NREP: variants seen among roughly 807,000 people sequenced by gnomAD.
NREP encodes neuronal regeneration-related protein.
In NREP, 5 loss-of-function variants were observed where a neutral mutation model predicts 8.6. The ratio of observed to expected loss-of-function variants is 0.58; its 90% CI spans 0.30 to 1.22. NREP has a LOEUF of 1.22. Among genes scored for constraint, NREP ranks in the 50% most tolerant of loss-of-function variants. The pLI is 0.07. For synonymous variants in NREP, 27 were observed against 28.0 expected, an observed-to-expected ratio of 0.96 and a Z score of 0.11; for missense variants, 86 against 82.5, an observed-to-expected ratio of 1.04 and a Z score of -0.17.
chr5:111,898,028 A>G (rs1295100946), intron 2 of NREP, among the ~76,000 whole-genome samples: 5 of 152,112 alleles, frequency 3.3e-5, no homozygotes, highest in Non-Finnish European at 5.9e-5. Flanking sequence ...ACCTTGGGAG[A>G]GAATGATAGG....
intron 2 of NREP, among the ~76,000 whole-genome samples, chr5:111,941,743 A>G (rs1755835535): frequency 6.6e-6 from 1 of 152,068 alleles, no homozygotes; most frequent in Non-Finnish European, 1.5e-5. Flanking sequence ...AAAAGCTTCA[A>G]TGTTTCTGGA....
rs116332785 is a variant in NREP at position 111,807,544 on chromosome 5, C to T, written c.136-72037G>A. Reference sequence around the variant, plus strand: ...AAGAAAATTTCTACTTTTAAGATAGCGGGTTTTAAAGACAATTTTTAGAAT... The same window carrying T: ...AAGAAAATTTCTACTTTTAAGATAGTGGGTTTTAAAGACAATTTTTAGAAT... On this transcript the variant is annotated intron_variant, in intron 2 of 3. Transcript: ENST00000395634. Among the ~76,000 whole-genome samples, 1,085 of 151,762 alleles carry T rather than the reference C, an allele frequency of 7.1e-3. 5 individuals are homozygous for T. The highest frequency in any genetic ancestry group is 0.012 in the Non-Finnish European group (840 of 67,950).
chr5:111,939,752 C>T (rs1484442528), intron 2 of NREP, among the ~76,000 whole-genome samples: 1 of 151,982 alleles, frequency 6.6e-6, no homozygotes, highest in Non-Finnish European at 1.5e-5. Context: ...AAGTGTAATA[C>T]AGAAACTCTA....
intron 2 of NREP, among the ~76,000 whole-genome samples, chr5:111,862,234 G>A (rs1478706918): frequency 6.6e-6 from 1 of 152,136 alleles, no homozygotes; most frequent in Non-Finnish European, 1.5e-5. Context: ...ATTTATCCAT[G>A]CACAAATCAT....
chr5:111,777,568 G>A (rs1477863307), intron 2 of NREP, among the ~76,000 whole-genome samples: 2 of 152,020 alleles, frequency 1.3e-5, no homozygotes, highest in Non-Finnish European at 2.9e-5. Context: ...GAGTAAATAC[G>A]ACAATGCTTC....
At chr5:111,737,716 A>T (rs1749256027) in intron 2 of NREP, among the ~76,000 whole-genome samples, 1 of 88,686 alleles carries the variant, frequency 1.1e-5, no homozygotes, top group Non-Finnish European at 2.0e-5. Context: ...TCCATTTGCT[A>T]AAAAAAAAAA....
rs1752414674 is a variant in NREP, at chr5:111,817,667, T to C, written c.136-82160A>G. Among the ~76,000 whole-genome samples the C allele has an allele frequency of 3.3e-5, 5 of 151,250 alleles. No individual in the cohort carries two copies. The South Asian group carries it at 1.0e-3, about 32-fold the overall frequency. On this transcript the variant is annotated intron_variant, in intron 2 of 3. Coordinates refer to the NREP transcript ENST00000395634. ...AAAAATACAAAAAATTAGCCGGGCG[T>C]AGTGGCGGGCGCCTGTAGTCCCAGC...
intron 2 of NREP, among the ~76,000 whole-genome samples, chr5:111,894,256 T>G (rs1404752147): frequency 6.6e-6 from 1 of 151,980 alleles, no homozygotes. Flanking sequence ...TAATAAATTT[T>G]TCCAACAAAA....
intron 2 of NREP, chr5:111,846,419 G>GTTTTTTTTT (rs1753168991): frequency 2.6e-5 from 1 of 37,744 alleles, no homozygotes; most frequent in Non-Finnish European, 5.4e-5. Flanking sequence ...CTTTTTGTTT[G>GTTTTTTTTT]CTTTTTTTTT....
intron 2 of NREP, among the ~76,000 whole-genome samples, chr5:111,840,696 T>C (rs1201176457): frequency 1.3e-5 from 2 of 152,132 alleles, no homozygotes; most frequent in Admixed American, 6.6e-5. Context: ...TAAATACTTA[T>C]AAACTGCTAC....
chr5:111,776,843 T>A (rs1407902216), intron 2 of NREP, among the ~76,000 whole-genome samples: 1 of 152,198 alleles, frequency 6.6e-6, no homozygotes, highest in African/African-American at 2.4e-5. Context: ...TATATCATGA[T>A]CTGAATGGTG....
chr5:111,747,357 C>G (rs138501588), intron 2 of NREP, among the ~76,000 whole-genome samples: 182 of 152,262 alleles, frequency 1.2e-3, no homozygotes, highest in African/African-American at 4.2e-3. Flanking sequence ...CCGTTTTAAA[C>G]AAAACAACTT....
chr5:111,740,839 T>G (rs565752707), intron 2 of NREP, among the ~76,000 whole-genome samples: 1 of 152,318 alleles, frequency 6.6e-6, no homozygotes, highest in East Asian at 1.9e-4. Context: ...TTGAATCATA[T>G]CTACTTATTA....
At chr5:111,819,884 A>G (rs1752477335) in intron 2 of NREP, among the ~76,000 whole-genome samples, 1 of 152,220 alleles carries the variant, frequency 6.6e-6, no homozygotes, top group Non-Finnish European at 1.5e-5. Flanking sequence ...GACAGACATT[A>G]AAACTGGAGA....
rs1186857248 is a variant in NREP at position 111,730,478 on chromosome 5, A to C, written c.*443T>G. On this transcript the variant is annotated 3_prime_UTR_variant, in exon 4 of 4. Transcript: ENST00000257435. The stretch of plus-strand genomic sequence containing the variant: ...AAGAGTACATGGATAAAATATAGAG[A>C]TATACAGACAATTGATGAACATAAA... 1 of 156,178 alleles carries C rather than the reference A, an allele frequency of 6.4e-6. No homozygotes were observed. Among genetic ancestry groups the C allele is most frequent in the Non-Finnish European group, 1.4e-5 (1 of 70,552 alleles). 9.7% of individuals were successfully genotyped at this position (156,178 alleles called of 1,614,324 possible). A position where few individuals can be genotyped will look rare whatever the true frequency, so the allele number is the denominator to read the frequency against.
At chr5:111,906,787 G>T (rs1431116697) in intron 2 of NREP, among the ~76,000 whole-genome samples, 2 of 152,020 alleles carry the variant, frequency 1.3e-5, no homozygotes, top group Non-Finnish European at 2.9e-5. Flanking sequence ...CATCTTTCAT[G>T]TGCTTATTTG....
chr5:111,841,700 A>C (rs868175715), intron 2 of NREP, among the ~76,000 whole-genome samples: 8 of 152,068 alleles, frequency 5.3e-5, no homozygotes, highest in African/African-American at 1.4e-4. Context: ...TGTTTATATA[A>C]GTACGGGCCT....
chr5:111,807,726 T>C (rs1752173251), intron 2 of NREP, among the ~76,000 whole-genome samples: 1 of 152,228 alleles, frequency 6.6e-6, no homozygotes, highest in Non-Finnish European at 1.5e-5. Flanking sequence ...ATGCACATTT[T>C]ATACATTTAT....
intron 2 of NREP, among the ~76,000 whole-genome samples, chr5:111,788,454 T>C (rs1293003876): frequency 6.6e-6 from 1 of 152,174 alleles, no homozygotes; most frequent in Non-Finnish European, 1.5e-5. Context: ...CTGTGTGATG[T>C]AGAAACAAAA....
Sources: allele counts gnomAD v4.1 joint callset (sites outside exome capture counted in the v4.1 genomes callset), GRCh38; gene constraint gnomAD v4.1.1; transcripts MANE v1.5; gene names NCBI Gene and HGNC (gene_info 2026-07-23, HGNC 2026-07-21).